The following TECTA variants were observed in gnomAD, a reference collection of about 807,000 sequenced individuals.
TECTA encodes the protein tectorin alpha, also known as alpha-tectorin.
TECTA carries 128 observed loss-of-function variants against 216.8 expected under a neutral mutation model. That is an observed-to-expected ratio of 0.59 (90% CI 0.51 to 0.68). The LOEUF (loss-of-function observed/expected upper bound fraction) is 0.68, where lower values mean the gene tolerates loss of function less well. TECTA is among the 30% of genes least tolerant of loss of function. The pLI is 0.00. For missense variants in TECTA, 2,551 were observed against 2,786.2 expected, an observed-to-expected ratio of 0.92 and a Z score of 1.90; for synonymous variants, 1,089 against 1,117.1, an observed-to-expected ratio of 0.97 and a Z score of 0.50.
At chr11:121,152,192 G>C (rs1021236962) in intron 12 of TECTA, among the ~76,000 whole-genome samples, 2 of 152,218 alleles carry the variant, frequency 1.3e-5, no homozygotes, top group African/African-American at 4.8e-5. Flanking sequence ...GAACATAATT[G>C]ACGTGAATCA....
chr11:121,123,394 CTG>C (rs1946578336), intron 7 of TECTA, among the ~76,000 whole-genome samples: 1 of 152,188 alleles, frequency 6.6e-6, no homozygotes, highest in South Asian at 2.1e-4. Context: ...CCACGTCCAG[CTG>C]TGTGTGTTCT....
Position 121,113,941 on chromosome 11 carries a change from T to G in TECTA, c.790+223T>G, listed in dbSNP as rs1202410779. 6.6e-6 allele frequency among the ~76,000 whole-genome samples: 1 copy of G among 152,098 alleles called. No homozygotes were observed. The highest frequency in any genetic ancestry group is 2.4e-5 in the African/African-American group (1 of 41,406). On this transcript the variant is annotated intron_variant, in intron 6 of 23. Coordinates refer to ENST00000392793, the MANE Select transcript of TECTA (RefSeq NM_005422.4). The surrounding 1 kb of genome is among the most constrained non-coding windows in gnomAD (Gnocchi z 4.2). The stretch of plus-strand genomic sequence containing the variant: ...TGGCTTTGGAAGTCCTTTTCTGGAG[T>G]GTGCACACAGTTATCCGTTCTGAAC...
chr11:121,105,422 AAC>A lies in TECTA; in HGVS notation c.65-404_65-403del, dbSNP rs1309226100. ...AGAGGGAGGGAACTCCTTTCAGGAA[AAC>A]ACACGATAGTGGAATTCTTGAGCTA... is the stretch of plus-strand genomic sequence containing the variant. On this transcript the variant is annotated intron_variant, in intron 2 of 23. Coordinates refer to ENST00000392793, the MANE Select transcript of TECTA (RefSeq NM_005422.4). The surrounding 1 kb of genome is among the most constrained non-coding windows in gnomAD (Gnocchi z 5.3). Among the ~76,000 whole-genome samples, 1 of 152,206 alleles carries A rather than the reference AAC, an allele frequency of 6.6e-6. No individual in the cohort carries two copies. The highest frequency in any genetic ancestry group is 1.5e-5 in the Non-Finnish European group (1 of 68,036).
chr11:121,104,738 A>C (rs1003017882), intron 2 of TECTA, among the ~76,000 whole-genome samples: 1 of 152,048 alleles, frequency 6.6e-6, no homozygotes, highest in African/African-American at 2.4e-5. Context: ...CCCAAGTAGA[A>C]GGCCCGACAT....
intron 7 of TECTA, among the ~76,000 whole-genome samples, chr11:121,119,497 C>G (rs1946536336): frequency 6.6e-6 from 1 of 152,174 alleles, no homozygotes; most frequent in Non-Finnish European, 1.5e-5. Flanking sequence ...AAGCAAAAAG[C>G]TACTAGCAAT....
chr11:121,110,524 G>T (rs1406059881), intron 4 of TECTA: 1 of 152,212 alleles, frequency 6.6e-6, no homozygotes, highest in Non-Finnish European at 1.5e-5. Context: ...TCGCTAAGAG[G>T]TTCTGTAGAA....
chr11:121,180,409 G>GTT (rs202141547), intron 20 of TECTA, among the ~76,000 whole-genome samples: 35 of 152,080 alleles, frequency 2.3e-4, no homozygotes, highest in African/African-American at 8.2e-4. Context: ...TGATTAGCAG[G>GTT]TTTTTTTTAT....
chr11:121,129,944 C>T lies in TECTA; in HGVS notation c.2674C>T (p.Leu892=). The T allele has an allele frequency of 1.2e-6, 2 of 1,608,592 alleles. No individual in the cohort carries two copies. The highest frequency in any genetic ancestry group is 1.7e-6 in the Non-Finnish European group (2 of 1,176,220). The part of the protein sequence containing the change: ...EEICNGECGD[L]LKACNNDSEL... ...GATCTGCAATGGAGAGTGTGGGGACCTGCTGAAGGCCTGCAACAATGACTC... is the reference window on the plus strand; with the variant it reads ...GATCTGCAATGGAGAGTGTGGGGACTTGCTGAAGGCCTGCAACAATGACTC... Residue 892 remains leucine (L), a synonymous_variant, in exon 10 of 24, where the codon CTG becomes TTG. Coordinates refer to ENST00000392793, the MANE Select transcript of TECTA (RefSeq NM_005422.4).
intron 10 of TECTA, among the ~76,000 whole-genome samples, chr11:121,135,816 C>G (rs138437789): frequency 7.9e-5 from 12 of 152,204 alleles, no homozygotes; most frequent in African/African-American, 2.9e-4. Flanking sequence ...ATCTTTAGAT[C>G]GCACAGACTT....
chr11:121,162,068 T>C lies in TECTA; in HGVS notation c.4977-7T>C. 6.2e-7 allele frequency: 1 copy of C among 1,613,838 alleles called. No homozygotes were observed. Among genetic ancestry groups the C allele is most frequent in the Non-Finnish European group, 8.5e-7 (1 of 1,180,034 alleles). ...ATGGCTGTTTTTGCTTCACTCAGTC[T>C]GACCAGACCTCTTGCCCCCAGCTGC... On this transcript the variant is annotated splice_polypyrimidine_tract_variant and splice_region_variant and intron_variant, in intron 15 of 23. Coordinates refer to ENST00000392793, the MANE Select transcript of TECTA (RefSeq NM_005422.4).
chr11:121,111,298 A>G (rs1424874359), intron 4 of TECTA, among the ~76,000 whole-genome samples: 2 of 152,258 alleles, frequency 1.3e-5, no homozygotes, highest in Non-Finnish European at 2.9e-5. Flanking sequence ...AGTGGCAAGA[A>G]AAAGAATAGG....
intron 11 of TECTA, among the ~76,000 whole-genome samples, chr11:121,142,500 T>G (rs1396486357): frequency 2.6e-5 from 4 of 152,240 alleles, no homozygotes; most frequent in Admixed American, 2.6e-4. Context: ...TCCTTGGCAA[T>G]GGCAGAATTT....
In TECTA at chr11:121,158,371, T is replaced by A. The variant is rs1946966010; in HGVS notation, c.4689+147T>A. 4.2e-6 allele frequency: 5 copies of A among 1,195,346 alleles called. No individual in the cohort carries two copies. The South Asian group carries it at 6.5e-5, about 16-fold the overall frequency. The allele number at this position is 1,195,346 out of a possible 1,614,324, so 74.0% of individuals were successfully genotyped here. A position where few individuals can be genotyped will look rare whatever the true frequency, so the allele number is the denominator to read the frequency against. ...CACACAGTGACCAGGTTTTAAAGAA[T>A]CAAAGTATGAAGATGTTTTAAGCCT... On this transcript the variant is annotated intron_variant, in intron 14 of 23. Transcript: ENST00000392793.
Position 121,105,707 on chromosome 11 carries a change from A to G in TECTA, c.65-124A>G. ...CTAGGTTTAGGATGAATGACAGGGC[A>G]GTATGACTTGCATTCAGCTTGCAAG... On this transcript the variant is annotated intron_variant, in intron 2 of 23. Transcript: ENST00000392793. The surrounding 1 kb of genome is among the most constrained non-coding windows in gnomAD (Gnocchi z 5.3). 1 of 1,219,972 alleles carries G rather than the reference A, an allele frequency of 8.2e-7. No individual in the cohort carries two copies. Among genetic ancestry groups the G allele is most frequent in the Non-Finnish European group, 1.2e-6 (1 of 852,144 alleles). 75.6% of individuals were successfully genotyped at this position (1,219,972 alleles called of 1,614,324 possible).
intron 20 of TECTA, among the ~76,000 whole-genome samples, chr11:121,185,130 G>A (rs1947269106): frequency 1.3e-5 from 2 of 152,226 alleles, no homozygotes; most frequent in Admixed American, 6.5e-5. Flanking sequence ...GCTTACCCCA[G>A]TGTCTGTCTG....
intron 20 of TECTA, among the ~76,000 whole-genome samples, chr11:121,177,472 G>A (rs1291678730): frequency 3.3e-5 from 5 of 152,198 alleles, no homozygotes; most frequent in Admixed American, 6.5e-5. Flanking sequence ...TACCAGCAGT[G>A]GTGGCTGCAG....
intron 7 of TECTA, among the ~76,000 whole-genome samples, chr11:121,118,963 T>C (rs1361274918): frequency 2.0e-5 from 3 of 151,230 alleles, no homozygotes; most frequent in East Asian, 1.9e-4. Flanking sequence ...AGTACATTTA[T>C]ATTCCTAGTT....
chr11:121,151,103 A>G (rs1382831632), intron 12 of TECTA, among the ~76,000 whole-genome samples: 1 of 152,230 alleles, frequency 6.6e-6, no homozygotes, highest in African/African-American at 2.4e-5. Flanking sequence ...AAGAAATGCA[A>G]ACTAAATAAG....
chr11:121,190,861 A>G lies in TECTA; in HGVS notation c.*55A>G, dbSNP rs1284312867. On this transcript the variant is annotated 3_prime_UTR_variant, in exon 24 of 24. Coordinates refer to ENST00000392793, the MANE Select transcript of TECTA (RefSeq NM_005422.4). ...TAATTTACTTACTTCAACACCCTGT[A>G]GGATAAAAAGTGTGTGCCCTTAAGT... 1.8e-5 allele frequency: 24 copies of G among 1,343,048 alleles called. No homozygotes were observed. The East Asian group carries it at 1.9e-4, about 10-fold the overall frequency. The allele number at this position is 1,343,048 out of a possible 1,614,324, so 83.2% of individuals were successfully genotyped here. A position where few individuals can be genotyped will look rare whatever the true frequency, so the allele number is the denominator to read the frequency against.
Sources: gnomAD v4.1 joint callset for allele counts (sites outside exome capture counted in the v4.1 genomes callset) on GRCh38, gnomAD v4.1.1 for gene constraint, Gnocchi (gnomAD v3.1) non-coding constraint, MANE v1.5 for transcripts, NCBI Gene and HGNC (gene_info 2026-07-23, HGNC 2026-07-21) for gene names.